MATCAP2: variants seen among roughly 807,000 people sequenced by gnomAD.
MATCAP2 encodes the protein putative tyrosine carboxypeptidase MATCAP2.
the MATCAP2 span, chr7:36,330,841 C>A: frequency 1.9e-6 from 1 of 523,554 alleles, no homozygotes. Context: ...GATTTCTTCC[C>A]TCTTGATACG....
At chr7:36,359,973 GGAA>G in the MATCAP2 span, among the ~76,000 whole-genome samples, 2 of 152,300 alleles carry the variant, frequency 1.3e-5, no homozygotes, top group African/African-American at 4.8e-5. Flanking sequence ...CATAAGCCTA[GGAA>G]GTAGGGTAAG....
the MATCAP2 span, among the ~76,000 whole-genome samples, chr7:36,331,408 C>T: frequency 6.6e-6 from 1 of 152,122 alleles, no homozygotes; most frequent in African/African-American, 2.4e-5. Context: ...TTCCCCTACT[C>T]CCACCGTTCA....
the MATCAP2 span, chr7:36,367,408 G>A: frequency 1.0e-5 from 6 of 588,488 alleles, no homozygotes; most frequent in Non-Finnish European, 1.1e-5. Flanking sequence ...CCGCGAGCGC[G>A]CTGGGGTCTC....
At chr7:36,380,022 G>A in the MATCAP2 span, among the ~76,000 whole-genome samples, 1,756 of 152,130 alleles carry the variant, frequency 0.012, 24 homozygotes, top group Non-Finnish European at 0.017. Flanking sequence ...TGAAATAATG[G>A]CAAAATAAAG....
the MATCAP2 span, among the ~76,000 whole-genome samples, chr7:36,361,251 C>T: frequency 2.0e-5 from 3 of 152,118 alleles, no homozygotes; most frequent in Admixed American, 1.3e-4. Flanking sequence ...CCCATCGGTA[C>T]CTCCCGTTCC....
chr7:36,326,874 G>A, the MATCAP2 span: 45 of 1,613,608 alleles, frequency 2.8e-5, no homozygotes, highest in South Asian at 8.8e-5. Flanking sequence ...TCATGTTTTC[G>A]GTAACTGCCA....
the MATCAP2 span, among the ~76,000 whole-genome samples, chr7:36,364,604 G>T: frequency 6.6e-6 from 1 of 152,000 alleles, no homozygotes; most frequent in Non-Finnish European, 1.5e-5. Flanking sequence ...AAAAAAAAAT[G>T]AACACATTTC....
At chr7:36,334,043 G>C in the MATCAP2 span, 1 of 1,614,174 alleles carries the variant, frequency 6.2e-7, no homozygotes, top group Non-Finnish European at 8.5e-7. Flanking sequence ...ACAGAACACT[G>C]TGAATGCTTG....
chr7:36,331,814 A>G, the MATCAP2 span, among the ~76,000 whole-genome samples: 5 of 152,212 alleles, frequency 3.3e-5, no homozygotes, highest in Non-Finnish European at 5.9e-5. Context: ...TTGCTCTATT[A>G]AATTAATTAA....
the MATCAP2 span, among the ~76,000 whole-genome samples, chr7:36,328,242 G>GGT: frequency 4.0e-4 from 41 of 101,552 alleles, 5 homozygotes; most frequent in African/African-American, 1.3e-3. Flanking sequence ...GTTTTTGTAG[G>GGT]GGGGGGGGGT....
the MATCAP2 span, among the ~76,000 whole-genome samples, chr7:36,347,902 C>T: frequency 6.6e-6 from 1 of 152,110 alleles, no homozygotes; most frequent in Non-Finnish European, 1.5e-5. Context: ...TTCTTTAAGC[C>T]AGTGTTTTCC....
chr7:36,333,737 G>A, the MATCAP2 span: 1 of 899,252 alleles, frequency 1.1e-6, no homozygotes, highest in Non-Finnish European at 1.7e-6. Context: ...CTGACCTCAG[G>A]TAACAAAGAT....
the MATCAP2 span, among the ~76,000 whole-genome samples, chr7:36,359,588 T>C: frequency 7.9e-5 from 12 of 152,214 alleles, no homozygotes; most frequent in Admixed American, 2.0e-4. Context: ...GTCTATTATA[T>C]GTGTAAGTTT....
chr7:36,336,547 G>A, the MATCAP2 span, among the ~76,000 whole-genome samples: 3 of 152,030 alleles, frequency 2.0e-5, no homozygotes, highest in Non-Finnish European at 4.4e-5. Context: ...GCTGACAGAG[G>A]GCTCAAGAAC....
chr7:36,362,562 C>T, the MATCAP2 span, among the ~76,000 whole-genome samples: 41 of 152,300 alleles, frequency 2.7e-4, no homozygotes, highest in African/African-American at 9.9e-4. Context: ...ACAAACTTTC[C>T]CATGGCTTTC....
the MATCAP2 span, among the ~76,000 whole-genome samples, chr7:36,378,850 C>T: frequency 6.6e-6 from 1 of 152,230 alleles, no homozygotes; most frequent in Admixed American, 6.5e-5. Context: ...ACAGTTCGAT[C>T]TCGGACTGCT....
At chr7:36,354,711 A>G in the MATCAP2 span, among the ~76,000 whole-genome samples, 1 of 152,214 alleles carries the variant, frequency 6.6e-6, no homozygotes, top group Non-Finnish European at 1.5e-5. Context: ...CTTTGATTAA[A>G]GTGGTTTAAA....
chr7:36,379,847 C>CACACAGAGAGAGAGAGAGAGAGAGAGAG, the MATCAP2 span, among the ~76,000 whole-genome samples: 2 of 107,696 alleles, frequency 1.9e-5, no homozygotes, highest in East Asian at 6.0e-4. Flanking sequence ...CACACACACA[C>CACACAGAGAGAGAGAGAGAGAGAGAGAG]AGAGAGAGAG....
At chr7:36,351,884 T>A in the MATCAP2 span, among the ~76,000 whole-genome samples, 2 of 145,466 alleles carry the variant, frequency 1.4e-5, no homozygotes, top group African/African-American at 5.1e-5. Flanking sequence ...AGGTCAAGGC[T>A]GCAGTGAGCC....
Sources: gnomAD v4.1 joint callset for allele counts (sites outside exome capture counted in the v4.1 genomes callset) on GRCh38, gnomAD v4.1.1 for gene constraint, MANE v1.5 for transcripts, NCBI Gene and HGNC (gene_info 2026-07-23, HGNC 2026-07-21) for gene names.